PIGP: variants seen among roughly 807,000 people sequenced by gnomAD.
PIGP encodes the protein phosphatidylinositol N-acetylglucosaminyltransferase subunit P.
Under a neutral mutation model 16.9 loss-of-function variants are expected in PIGP, and 12 were observed. The ratio of observed to expected loss-of-function variants is 0.71; its 90% CI spans 0.46 to 1.15. The LOEUF (loss-of-function observed/expected upper bound fraction) is 1.15. Among genes scored for constraint, PIGP ranks in the 50% most tolerant of loss-of-function variants. PIGP has a pLI of 0.00. For missense variants in PIGP, 159 were observed against 153.5 expected, an observed-to-expected ratio of 1.04 and a Z score of -0.19; for synonymous variants, 57 against 54.7, an observed-to-expected ratio of 1.04 and a Z score of -0.18.
intron 2 of PIGP, among the ~76,000 whole-genome samples, chr21:37,071,972 AC>A (rs1234158156): frequency 6.6e-6 from 1 of 152,048 alleles, no homozygotes; most frequent in Non-Finnish European, 1.5e-5. Flanking sequence ...AAACCCTCTC[AC>A]GCCCTCATTC....
At chr21:37,066,926 A>G (rs1197140876) in intron 4 of PIGP, among the ~76,000 whole-genome samples, 1 of 151,434 alleles carries the variant, frequency 6.6e-6, no homozygotes, top group African/African-American at 2.4e-5. Context: ...ATTTCCTTTT[A>G]TATAAGTTTG....
At position 37,065,717 on chromosome 21, in the gene PIGP, A is replaced by C. The variant is rs2069891397; in HGVS notation, c.275-5T>G. ...GTTGATTTTTTGCATAGTTATCTGT[A>C]AGAAAAGACCAAAAAGCTCTGTTTA... On this transcript the variant is annotated splice_polypyrimidine_tract_variant and splice_region_variant and intron_variant, in intron 4 of 4. Transcript: ENST00000360525. The C allele has an allele frequency of 6.2e-7, 1 of 1,611,782 alleles. No homozygotes were observed. The highest frequency in any genetic ancestry group is 1.3e-5 in the African/African-American group (1 of 74,810).
intron 3 of PIGP, among the ~76,000 whole-genome samples, chr21:37,068,010 G>GT (rs60120833): frequency 0.95 from 141,318 of 148,106 alleles, 67,635 homozygotes; most frequent in Middle Eastern, 1. Context: ...TTCATTGAGT[G>GT]TTTTTTTTTT....
At chr21:37,069,263 C>G in intron 3 of PIGP, 1 of 200,388 alleles carries the variant, frequency 5.0e-6, no homozygotes, top group Non-Finnish European at 1.0e-5. Flanking sequence ...CTCTTTTCTG[C>G]TATACTATTG....
At position 37,072,936 on chromosome 21, in the gene PIGP, G is replaced by C. The variant is rs913901185; in HGVS notation, c.-23+64C>G. On this transcript the variant is annotated intron_variant, in intron 1 of 4. Coordinates refer to ENST00000360525, the MANE Select transcript of PIGP (RefSeq NM_153682.3). ...CTATTTCTCATTCGAGGCGGGGTATGGGGGGGCCCTCGACCTCGGGTCCTT... is the reference window on the plus strand; with the variant it reads ...CTATTTCTCATTCGAGGCGGGGTATCGGGGGGCCCTCGACCTCGGGTCCTT... The C allele has an allele frequency of 2.2e-4, 53 of 237,930 alleles. No homozygotes were observed. In the Admixed American group the frequency reaches 2.8e-3, roughly 13 times the overall value. 14.7% of individuals were successfully genotyped at this position (237,930 alleles called of 1,614,324 possible).
chr21:37,071,630 T>A (rs2070042226), intron 2 of PIGP, among the ~76,000 whole-genome samples: 1 of 152,172 alleles, frequency 6.6e-6, no homozygotes, highest in Admixed American at 6.5e-5. Flanking sequence ...TATATTTTAG[T>A]TAGGGTTCAG....
At chr21:37,068,942 T>C (rs1311413901) in intron 3 of PIGP, among the ~76,000 whole-genome samples, 1 of 152,206 alleles carries the variant, frequency 6.6e-6, no homozygotes, top group Non-Finnish European at 1.5e-5. Flanking sequence ...GTGGCCCCCA[T>C]GCTAGAGACT....
intron 4 of PIGP, among the ~76,000 whole-genome samples, chr21:37,066,615 T>C (rs2069907405): frequency 6.6e-6 from 1 of 152,224 alleles, no homozygotes; most frequent in Non-Finnish European, 1.5e-5. Context: ...TGTGGCTCTT[T>C]TATCCACTTA....
chr21:37,070,064 T>C (rs1447554362), intron 2 of PIGP, among the ~76,000 whole-genome samples: 3 of 152,176 alleles, frequency 2.0e-5, no homozygotes, highest in African/African-American at 4.8e-5. Context: ...CAGAGTACAA[T>C]GTTATTTCCC....
At chr21:37,072,395 C>T in intron 2 of PIGP, 39 bp downstream of exon 2, 1 of 1,612,660 alleles carries the variant, frequency 6.2e-7, no homozygotes, top group Non-Finnish European at 8.5e-7. Flanking sequence ...CACTGAACGC[C>T]AGAAAAAGCC....
At chr21:37,071,282 G>GT (rs1423623939) in intron 2 of PIGP, among the ~76,000 whole-genome samples, 1 of 152,234 alleles carries the variant, frequency 6.6e-6, no homozygotes, top group Non-Finnish European at 1.5e-5. Flanking sequence ...GTCAGCCAGT[G>GT]TATTTGGGTT....
chr21:37,066,349 A>T (rs1277481939), intron 4 of PIGP, among the ~76,000 whole-genome samples: 1 of 152,182 alleles, frequency 6.6e-6, no homozygotes, highest in Non-Finnish European at 1.5e-5. Flanking sequence ...TCTTTGCACA[A>T]ATTACCTATT....
chr21:37,067,201 G>A (rs1809418898), intron 4 of PIGP, 61 bp downstream of exon 4: 1 of 967,478 alleles, frequency 1.0e-6, no homozygotes, highest in Non-Finnish European at 1.7e-6. Context: ...GCTTTTCTGG[G>A]TAAAAGTGCT....
At position 37,072,522 on chromosome 21, in the gene PIGP, T is replaced by C. The variant is rs375239991; in HGVS notation, c.-7A>G. 31 of 1,614,134 alleles carry C rather than the reference T, an allele frequency of 1.9e-5. No individual in the cohort carries two copies. The East Asian group carries it at 6.0e-4, about 31-fold the overall frequency. On this transcript the variant is annotated 5_prime_UTR_variant, in exon 2 of 5. Transcript: ENST00000360525. ...ACGGTGAATTTTCCACCATTTTTCC[T>C]GGGGCTTTAGACAATCTGTGGAAAA...
chr21:37,072,286 C>A, intron 2 of PIGP, 148 bp downstream of exon 2: 1 of 1,606,912 alleles, frequency 6.2e-7, no homozygotes, highest in Non-Finnish European at 8.5e-7. Context: ...GAACACTCAG[C>A]AAACACGAGA....
chr21:37,069,836 T>C (rs738862), intron 2 of PIGP, among the ~76,000 whole-genome samples: 88,738 of 151,876 alleles, frequency 0.58, 26,317 homozygotes, highest in Non-Finnish European at 0.64. Flanking sequence ...TTTTTTTTAA[T>C]ATCTTAACTC....
intron 2 of PIGP, 190 bp downstream of exon 2, chr21:37,072,244 A>C (rs1424961513): frequency 6.2e-7 from 1 of 1,611,696 alleles, no homozygotes; most frequent in Non-Finnish European, 8.5e-7. Flanking sequence ...ATTTGTAGAG[A>C]CTAAAACCTC....
At chr21:37,072,947 C>T (rs1601140784) in intron 1 of PIGP, 53 bp downstream of exon 1, 2 of 222,742 alleles carry the variant, frequency 9.0e-6, no homozygotes, top group East Asian at 2.3e-4. Flanking sequence ...GGGGGGCCCT[C>T]GACCTCGGGT....
chr21:37,072,384 T>A, intron 2 of PIGP, 50 bp downstream of exon 2: 1 of 1,611,582 alleles, frequency 6.2e-7, no homozygotes, highest in Non-Finnish European at 8.5e-7. Flanking sequence ...TCTTCCCTTG[T>A]CACTGAACGC....
Sources: allele counts gnomAD v4.1 joint callset (sites outside exome capture counted in the v4.1 genomes callset), GRCh38; gene constraint gnomAD v4.1.1; transcripts MANE v1.5; gene names NCBI Gene and HGNC (gene_info 2026-07-23, HGNC 2026-07-21).